The following CDK19 variants were observed in gnomAD, a reference collection of about 807,000 sequenced individuals.
CDK19 encodes cyclin dependent kinase 19, also known as cyclin-dependent kinase 19.
CDK19 carries 20 observed loss-of-function variants against 68.3 expected under a neutral mutation model. The observed-to-expected ratio is 0.29, with a 90% CI of 0.21 to 0.43. The LOEUF is 0.43. CDK19 is among the 20% of genes least tolerant of loss of function. The pLI is 1.00. For synonymous variants in CDK19, 221 were observed against 222.8 expected (o/e 0.99, Z 0.07); for missense variants, 339 against 623.5 (o/e 0.54, Z 4.86).
intron 2 of CDK19, among the ~76,000 whole-genome samples, chr6:110,737,919 A>T (rs1454292140): frequency 1.3e-5 from 2 of 152,224 alleles, no homozygotes; most frequent in African/African-American, 4.8e-5. Flanking sequence ...CACAAGGATC[A>T]CACCAAAGAA....
chr6:110,701,910 G>C (rs547585443), intron 2 of CDK19, among the ~76,000 whole-genome samples: 28 of 150,972 alleles, frequency 1.9e-4, no homozygotes, highest in Non-Finnish European at 3.8e-4. Context: ...TGGGAGGCCG[G>C]GGCAGGTGGA....
In CDK19 at chr6:110,652,722, CAG is replaced by C. The variant is rs529158190; in HGVS notation, c.457-14018_457-14017del. On this transcript the variant is annotated intron_variant, in intron 4 of 12. Coordinates refer to ENST00000368911, the MANE Select transcript of CDK19 (RefSeq NM_015076.5). ...TTCTTGCAGTCACACTATGTCGAAA[CAG>C]AGAATATGAGCAACACAATGGAATG... Among the ~76,000 whole-genome samples, 325 of 152,238 alleles carry C rather than the reference CAG, an allele frequency of 2.1e-3. 3 individuals carry two copies. Among genetic ancestry groups the C allele is most frequent in the Middle Eastern group, 0.017 (5 of 294 alleles).
At chr6:110,812,867 T>C (rs568599048) in intron 1 of CDK19, among the ~76,000 whole-genome samples, 2 of 151,840 alleles carry the variant, frequency 1.3e-5, no homozygotes, top group East Asian at 3.9e-4. Context: ...AGATGTTCTT[T>C]CAAATTGCTG....
At chr6:110,615,753 G>A (rs1283247745) in intron 12 of CDK19, among the ~76,000 whole-genome samples, 1 of 152,164 alleles carries the variant, frequency 6.6e-6, no homozygotes, top group Admixed American at 6.5e-5. Flanking sequence ...TTATGAGAGA[G>A]GCCTGAATTC....
intron 1 of CDK19, among the ~76,000 whole-genome samples, chr6:110,770,044 C>G (rs1417231076): frequency 6.6e-6 from 1 of 151,988 alleles, no homozygotes; most frequent in East Asian, 1.9e-4. Context: ...CAATAAATAG[C>G]CTGAAATTCA....
chr6:110,638,357 G>A (rs930265502), intron 5 of CDK19, among the ~76,000 whole-genome samples: 1 of 152,158 alleles, frequency 6.6e-6, no homozygotes, highest in Non-Finnish European at 1.5e-5. Flanking sequence ...TGGCTGTGCA[G>A]GACAGTGGTG....
intron 2 of CDK19, among the ~76,000 whole-genome samples, chr6:110,741,027 AC>A (rs993281072): frequency 5.9e-5 from 9 of 152,220 alleles, no homozygotes; most frequent in African/African-American, 2.2e-4. Context: ...AGTCTGACCA[AC>A]AAAAAGAATG....
intron 1 of CDK19, among the ~76,000 whole-genome samples, chr6:110,811,380 T>C (rs1287023851): frequency 6.6e-6 from 1 of 152,136 alleles, no homozygotes; most frequent in Admixed American, 6.6e-5. Flanking sequence ...AAACAAACTC[T>C]GTAAGCTGTG....
intron 1 of CDK19, among the ~76,000 whole-genome samples, chr6:110,777,161 A>G (rs183509532): frequency 2.2e-3 from 330 of 152,368 alleles, no homozygotes; most frequent in Non-Finnish European, 4.0e-3. Flanking sequence ...AGCATATGCA[A>G]CATTTTCTCA....
intron 4 of CDK19, among the ~76,000 whole-genome samples, chr6:110,639,718 A>G (rs924893520): frequency 6.6e-5 from 10 of 152,258 alleles, no homozygotes; most frequent in Admixed American, 2.0e-4. Flanking sequence ...AACAAAAAGC[A>G]CTTAAAAAAC....
chr6:110,801,941 A>G (rs1348388521), intron 1 of CDK19, among the ~76,000 whole-genome samples: 5 of 152,266 alleles, frequency 3.3e-5, no homozygotes, highest in African/African-American at 1.2e-4. Flanking sequence ...AACACTCAAC[A>G]TCACTAATCA....
chr6:110,702,377 T>C (rs1318278232), intron 2 of CDK19, among the ~76,000 whole-genome samples: 2 of 152,012 alleles, frequency 1.3e-5, no homozygotes, highest in Non-Finnish European at 2.9e-5. Context: ...TGAGCCTGGG[T>C]GGTTGAGGCT....
intron 4 of CDK19, among the ~76,000 whole-genome samples, chr6:110,654,561 G>A (rs1781178704): frequency 6.6e-6 from 1 of 152,206 alleles, no homozygotes; most frequent in Non-Finnish European, 1.5e-5. Context: ...ATAAGTGAAT[G>A]AGCTAAATTG....
intron 2 of CDK19, chr6:110,722,202 C>A (rs1582949495): frequency 6.6e-6 from 1 of 152,174 alleles, no homozygotes; most frequent in Admixed American, 6.5e-5. Context: ...TGCTAGCAAT[C>A]CACAATACCC....
intron 2 of CDK19, among the ~76,000 whole-genome samples, chr6:110,698,967 T>C (rs1005489436): frequency 6.6e-6 from 1 of 151,062 alleles, no homozygotes; most frequent in South Asian, 2.1e-4. Context: ...GGTGGGAGGA[T>C]TGCTTGGGCC....
chr6:110,726,204 G>C (rs1776303352), intron 2 of CDK19, among the ~76,000 whole-genome samples: 1 of 152,146 alleles, frequency 6.6e-6, no homozygotes, highest in Admixed American at 6.6e-5. Context: ...TGCAGCAAAA[G>C]CATTTCACAT....
At chr6:110,753,563 T>C (rs1047969026) in intron 1 of CDK19, among the ~76,000 whole-genome samples, 2 of 143,258 alleles carry the variant, frequency 1.4e-5, no homozygotes, top group Admixed American at 6.8e-5. Flanking sequence ...TTTTTTTTTT[T>C]CCTGTAGCGA....
rs150028844 is a variant in CDK19 at position 110,786,184 on chromosome 6, T to A, written c.128+28825A>T. Among the ~76,000 whole-genome samples the A allele has an allele frequency of 1.6e-3, 247 of 152,288 alleles. 1 individual carries two copies. Among genetic ancestry groups the A allele is most frequent in the African/African-American group, 5.8e-3 (241 of 41,568 alleles). ...AAATAATCAGAACCATTTTGCCAGC[T>A]TGTCTAACATCAATTTGTTTCCTGA... On this transcript the variant is annotated intron_variant, in intron 1 of 12. Transcript: ENST00000368911.
chr6:110,622,988 G>A (rs1778811249), intron 9 of CDK19, 76 bp from the exon 10 acceptor site: 9 of 895,648 alleles, frequency 1.0e-5, no homozygotes, highest in Non-Finnish European at 1.7e-5. Context: ...TTGTATTACT[G>A]TGTAACAGGA....
Sources: allele counts gnomAD v4.1 joint callset (sites outside exome capture counted in the v4.1 genomes callset), GRCh38; gene constraint gnomAD v4.1.1; transcripts MANE v1.5; gene names NCBI Gene and HGNC (gene_info 2026-07-23, HGNC 2026-07-21).